The following VWA8 variants were observed in gnomAD, a reference collection of about 807,000 sequenced individuals.
The protein encoded by VWA8 is von Willebrand factor A domain-containing protein 8.
VWA8 carries 221 observed loss-of-function variants against 241.5 expected under a neutral mutation model. That is an observed-to-expected ratio of 0.91 (90% CI 0.82 to 1.02). The LOEUF is 1.02. VWA8 is among the 50% of genes least tolerant of loss of function. The pLI, the probability that VWA8 is intolerant of heterozygous loss-of-function variation, is 0.00. For synonymous variants in VWA8, 852 were observed against 827.1 expected (o/e 1.03, Z -0.52); for missense variants, 2,322 against 2,328.7 (o/e 1.00, Z 0.06).
chr13:41,690,353 A>G (rs2045168173), intron 32 of VWA8, 78 bp from the exon 33 acceptor site: 1 of 1,185,644 alleles, frequency 8.4e-7, no homozygotes. Context: ...AAGAAAAATT[A>G]GATTCTCCTC....
chr13:41,704,675 C>T (rs766570730), intron 26 of VWA8, among the ~76,000 whole-genome samples: 1 of 151,904 alleles, frequency 6.6e-6, no homozygotes, highest in Non-Finnish European at 1.5e-5. Flanking sequence ...TGCTGTGTTG[C>T]CCAGGCTGGT....
At chr13:41,778,250 C>T (rs1272961046) in intron 19 of VWA8, among the ~76,000 whole-genome samples, 194 bp from the exon 20 acceptor site, 1 of 152,048 alleles carries the variant, frequency 6.6e-6, no homozygotes, top group East Asian at 1.9e-4. Context: ...ATACTGAAAA[C>T]TTGAAATAGT....
At chr13:41,780,055 A>G (rs958431657) in intron 19 of VWA8, among the ~76,000 whole-genome samples, 2 of 152,038 alleles carry the variant, frequency 1.3e-5, no homozygotes, top group African/African-American at 4.8e-5. Flanking sequence ...TCTGAGCTGG[A>G]TCTTCCTGTA....
At chr13:41,940,983 T>G (rs1877570730) in intron 2 of VWA8, among the ~76,000 whole-genome samples, 1 of 152,174 alleles carries the variant, frequency 6.6e-6, no homozygotes, top group Non-Finnish European at 1.5e-5. Flanking sequence ...CAGGTAAATT[T>G]CAAAGAGCAA....
Position 41,864,031 on chromosome 13 carries a change from C to A in VWA8, c.1425+1705G>T, listed in dbSNP as rs578005699. 3.3e-5 allele frequency among the ~76,000 whole-genome samples: 5 copies of A among 149,298 alleles called. No individual in the cohort carries two copies. In the East Asian group the frequency reaches 9.9e-4, roughly 30 times the overall value. On this transcript the variant is annotated intron_variant, in intron 12 of 44. Transcript: ENST00000379310. Reference sequence around the variant, plus strand: ...TAGGTATTTCTCCAAAGAAGATATACAAATAGCCAGTAAGTACATGAAAAA... The same window carrying A: ...TAGGTATTTCTCCAAAGAAGATATAAAAATAGCCAGTAAGTACATGAAAAA...
chr13:41,897,346 CAAT>C (rs1460784388), intron 4 of VWA8, among the ~76,000 whole-genome samples: 2 of 152,100 alleles, frequency 1.3e-5, no homozygotes, highest in African/African-American at 4.8e-5. Flanking sequence ...ATGAAAACCA[CAAT>C]GAGACCTCTC....
intron 21 of VWA8, among the ~76,000 whole-genome samples, chr13:41,746,294 C>T (rs1350933443): frequency 6.6e-6 from 1 of 152,216 alleles, no homozygotes; most frequent in Non-Finnish European, 1.5e-5. Flanking sequence ...AAAATACACA[C>T]TGCATCTCAG....
At chr13:41,691,501 A>G (rs2045177299) in intron 31 of VWA8, 56 bp from the exon 32 acceptor site, 2 of 1,579,814 alleles carry the variant, frequency 1.3e-6, no homozygotes, top group Admixed American at 1.8e-5. Context: ...TGGTTGAGTA[A>G]TCTGGCATAA....
chr13:41,905,501 T>A (rs998905407), intron 4 of VWA8, among the ~76,000 whole-genome samples: 23 of 152,106 alleles, frequency 1.5e-4, no homozygotes, highest in African/African-American at 4.1e-4. Flanking sequence ...TTATTTAAAA[T>A]TTTTAATTTG....
At chr13:41,672,169 C>T (rs1437424750) in intron 36 of VWA8, among the ~76,000 whole-genome samples, 3 of 152,104 alleles carry the variant, frequency 2.0e-5, no homozygotes, top group Non-Finnish European at 2.9e-5. Flanking sequence ...TTATGCATTT[C>T]GACTGCATTT....
intron 43 of VWA8, among the ~76,000 whole-genome samples, chr13:41,571,555 G>A (rs1422587310): frequency 6.6e-6 from 1 of 152,162 alleles, no homozygotes; most frequent in African/African-American, 2.4e-5. Flanking sequence ...TCGCCGTGTT[G>A]GCCGGGCTGG....
chr13:41,762,881 T>C (rs1293828513), intron 20 of VWA8, among the ~76,000 whole-genome samples: 2 of 152,048 alleles, frequency 1.3e-5, no homozygotes, highest in Admixed American at 1.3e-4. Flanking sequence ...TAAACGAATA[T>C]AGGGCGTTTG....
At chr13:41,784,735 C>CATATATATAT (rs1456529929) in intron 18 of VWA8, among the ~76,000 whole-genome samples, 1 of 47,664 alleles carries the variant, frequency 2.1e-5, no homozygotes. Context: ...TATATACACA[C>CATATATATAT]ACATATATAT....
intron 2 of VWA8, among the ~76,000 whole-genome samples, chr13:41,945,281 A>G (rs1593888541): frequency 7.1e-6 from 1 of 140,246 alleles, no homozygotes; most frequent in Admixed American, 7.1e-5. Flanking sequence ...GAACATCACT[A>G]AAAAAAAAAA....
chr13:41,599,902 C>T (rs1338998429), intron 40 of VWA8, among the ~76,000 whole-genome samples: 1 of 152,126 alleles, frequency 6.6e-6, no homozygotes, highest in Non-Finnish European at 1.5e-5. Flanking sequence ...CTGCATGAAA[C>T]CTAGACCTCC....
chr13:41,771,912 T>TG (rs2045826503), intron 20 of VWA8, among the ~76,000 whole-genome samples: 1 of 100,776 alleles, frequency 9.9e-6, no homozygotes, highest in Admixed American at 1.3e-4. Flanking sequence ...TTTTTTGAGA[T>TG]GGAGTTTCAC....
In VWA8 at chr13:41,685,165, T is replaced by A; in HGVS notation, c.4209A>T (p.Arg1403Ser). The stretch of plus-strand genomic sequence containing the variant: ...TTGGAGTCCCCCTTTTCTTCTTTCC[T>A]CTATAGAATGATGTATCAGTGCCAC... ...KRSGTDTSFY[R>S]GKKKRGTPKQ... Residue 1403 changes from arginine (R) to serine (S), a missense_variant, in exon 35 of 45, where the codon AGA (arginine) becomes AGT (serine). Transcript: ENST00000379310. The A allele has an allele frequency of 1.2e-6, 2 of 1,613,570 alleles. No individual in the cohort carries two copies. Among genetic ancestry groups the A allele is most frequent in the East Asian group, 4.5e-5 (2 of 44,858 alleles).
intron 43 of VWA8, among the ~76,000 whole-genome samples, chr13:41,574,767 A>G (rs555074029): frequency 6.6e-6 from 1 of 152,298 alleles, no homozygotes; most frequent in Non-Finnish European, 1.5e-5. Flanking sequence ...AATAAAGCCA[A>G]ATATGTGGAT....
Position 41,732,208 on chromosome 13 carries a change from G to C in VWA8, c.2427-53C>G, listed in dbSNP as rs2045490396. 7.8e-6 allele frequency: 12 copies of C among 1,531,356 alleles called. 1 individual carries two copies. The highest frequency in any genetic ancestry group is 1.1e-5 in the Non-Finnish European group (12 of 1,115,540). 94.9% of individuals were successfully genotyped at this position (1,531,356 alleles called of 1,614,324 possible). Reference sequence around the variant, plus strand: ...TTAGGAAGGAAATAAGCTGATGATTGATCATGATAAAAATACAGCACAGGT... The same window carrying C: ...TTAGGAAGGAAATAAGCTGATGATTCATCATGATAAAAATACAGCACAGGT... On this transcript the variant is annotated intron_variant, in intron 21 of 44. Coordinates refer to ENST00000379310, the MANE Select transcript of VWA8 (RefSeq NM_015058.2).
Sources: gnomAD v4.1 joint callset for allele counts (sites outside exome capture counted in the v4.1 genomes callset) on GRCh38, gnomAD v4.1.1 for gene constraint, MANE v1.5 for transcripts, NCBI Gene and HGNC (gene_info 2026-07-23, HGNC 2026-07-21) for gene names.